Variants in OTOF observed in about 807,000 individuals in gnomAD.
OTOF encodes otoferlin, also known as fer-1-like family member 2.
OTOF carries 218 observed loss-of-function variants against 236.8 expected under a neutral mutation model. The observed-to-expected ratio is 0.92, with a 90% CI of 0.82 to 1.03. OTOF has a LOEUF of 1.03. Ranked by LOEUF, OTOF falls within the 50% of genes least tolerant of loss-of-function variation. OTOF has a pLI of 0.00. For synonymous variants in OTOF, 1,041 were observed against 1,072.5 expected (o/e 0.97, Z 0.57); for missense variants, 2,590 against 2,694.4 (o/e 0.96, Z 0.86).
At chr2:26,489,849 C>T in intron 9 of OTOF, 109 bp from the exon 10 acceptor site, 1 of 828,522 alleles carries the variant, frequency 1.2e-6, no homozygotes, top group South Asian at 1.4e-5. Context: ...CAGACATTTG[C>T]CCTGAGCCCC....
At position 26,466,688 on chromosome 2, in the gene OTOF, A is replaced by T. The variant is rs1462095697; in HGVS notation, c.4500+26T>A. The T allele has an allele frequency of 3.1e-6, 5 of 1,613,760 alleles. No individual in the cohort carries two copies. In the African/African-American group the frequency reaches 6.7e-5, roughly 22 times the overall value. On this transcript the variant is annotated intron_variant, in intron 36 of 46. Coordinates refer to ENST00000272371, the MANE Select transcript of OTOF (RefSeq NM_194248.3). ...AGATGGGAGGATGAGGAGACTTGCA[A>T]GGAGGGAAAGCGACGGGAGTCTCAC... is the stretch of plus-strand genomic sequence containing the variant.
At chr2:26,558,439 TG>T (rs1667650508) in intron 1 of OTOF, 53 bp downstream of exon 1, 19 of 1,499,760 alleles carry the variant, frequency 1.3e-5, no homozygotes, top group Non-Finnish European at 1.7e-5. Flanking sequence ...CTCCAGAGCA[TG>T]GGCTGGTCCA....
intron 10 of OTOF, among the ~76,000 whole-genome samples, 166 bp from the exon 11 acceptor site, chr2:26,489,461 T>A (rs1665783502): frequency 6.6e-6 from 1 of 152,198 alleles, no homozygotes; most frequent in African/African-American, 2.4e-5. Flanking sequence ...AGTTTCTTGC[T>A]GGCCACTGTT....
Position 26,473,146 on chromosome 2 carries a change from C to A in OTOF, c.3719G>T (p.Ser1240Ile), listed in dbSNP as rs771058439. The change falls in exon 29 of 47, where the codon AGC (serine) becomes ATC (isoleucine). Residue 1240 changes from serine to isoleucine, a missense_variant. Ser to Ile is a moderately radical substitution (Grantham distance 142, BLOSUM62 -2). Transcript: ENST00000272371. The surrounding 1 kb of genome is among the most constrained non-coding windows in gnomAD (Gnocchi z 7.2). Reference sequence around the variant, plus strand: ...TGTGGCCATACCCGTGGTGTTCCAGCTGGGGGCCGAGCGGTCTGGGGGCCG... The same window carrying A: ...TGTGGCCATACCCGTGGTGTTCCAGATGGGGGCCGAGCGGTCTGGGGGCCG... ...IYRPPDRSAP[S>I]WNTTVRLLRR... 1.6e-5 allele frequency: 25 copies of A among 1,612,412 alleles called. No individual in the cohort carries two copies. The highest frequency in any genetic ancestry group is 2.0e-5 in the Non-Finnish European group (24 of 1,179,824).
intron 2 of OTOF, among the ~76,000 whole-genome samples, chr2:26,534,579 G>A (rs1667023679): frequency 6.6e-6 from 1 of 152,188 alleles, no homozygotes. Context: ...CTGAGCAGAG[G>A]AGGGGCCCCT....
Position 26,461,656 on chromosome 2 carries a change from G to A in OTOF, c.5533+40C>T. The A allele has an allele frequency of 6.2e-7, 1 of 1,611,746 alleles. No individual in the cohort carries two copies. Among genetic ancestry groups the A allele is most frequent in the East Asian group, 2.2e-5 (1 of 44,874 alleles). Reference sequence around the variant, plus strand: ...CCAACCCGGCCCCTGCCTCTTCTCAGTTCTGGATCCTGAACCCCCATCCCT... The same window carrying A: ...CCAACCCGGCCCCTGCCTCTTCTCAATTCTGGATCCTGAACCCCCATCCCT... On this transcript the variant is annotated intron_variant, in intron 43 of 46. Transcript: ENST00000272371. This position sits in a 1 kb window ranked among gnomAD's most constrained non-coding sequence, Gnocchi z 6.2.
At chr2:26,524,926 A>G (rs936658016) in intron 3 of OTOF, among the ~76,000 whole-genome samples, 1 of 152,174 alleles carries the variant, frequency 6.6e-6, no homozygotes, top group African/African-American at 2.4e-5. Context: ...GGGTTCCTTC[A>G]GGGGCTCTCA....
intron 39 of OTOF, 135 bp from the exon 40 acceptor site, chr2:26,464,241 G>A: frequency 1.8e-6 from 2 of 1,121,348 alleles, no homozygotes; most frequent in South Asian, 1.4e-5. Flanking sequence ...CACTGTTGGG[G>A]AAACTGAGGC....
intron 30 of OTOF, 80 bp from the exon 31 acceptor site, chr2:26,471,230 G>A (rs966475619): frequency 6.6e-7 from 1 of 1,522,046 alleles, no homozygotes; most frequent in Admixed American, 1.7e-5. Context: ...CACAGGGTGT[G>A]TGGAGGAGCC....
Position 26,460,499 on chromosome 2 carries a change from A to G in OTOF, c.5813+148T>C. Reference sequence around the variant, plus strand: ...CTCTGGTTCAAAGGGACGTTGTGGGATTCAGGGTTGGCAGAGGGCAGGGAG... The same window carrying G: ...CTCTGGTTCAAAGGGACGTTGTGGGGTTCAGGGTTGGCAGAGGGCAGGGAG... On this transcript the variant is annotated intron_variant, in intron 45 of 46. Transcript: ENST00000272371. This position sits in a 1 kb window ranked among gnomAD's most constrained non-coding sequence, Gnocchi z 5.3. 1.4e-6 allele frequency: 1 copy of G among 716,490 alleles called. No homozygotes were observed. The highest frequency in any genetic ancestry group is 2.5e-6 in the Non-Finnish European group (1 of 405,970). 44.4% of individuals were successfully genotyped at this position (716,490 alleles called of 1,614,324 possible). A position where few individuals can be genotyped will look rare whatever the true frequency, so the allele number is the denominator to read the frequency against.
chr2:26,525,824 C>T (rs376103986), intron 3 of OTOF, among the ~76,000 whole-genome samples: 5 of 151,932 alleles, frequency 3.3e-5, no homozygotes, highest in African/African-American at 1.2e-4. Flanking sequence ...TGGTGGCTCA[C>T]GCCTGTAATC....
intron 1 of OTOF, among the ~76,000 whole-genome samples, chr2:26,539,640 C>T (rs1276000839): frequency 2.0e-5 from 3 of 152,174 alleles, no homozygotes; most frequent in African/African-American, 7.2e-5. Context: ...GAGGCCGAGG[C>T]AGGAGAATCG....
chr2:26,540,756 G>A (rs1456634130), intron 1 of OTOF, among the ~76,000 whole-genome samples: 1 of 152,038 alleles, frequency 6.6e-6, no homozygotes, highest in Non-Finnish European at 1.5e-5. Context: ...GGCAGGTGGG[G>A]AAGGGCTGGC....
chr2:26,501,917 T>C, intron 7 of OTOF, 109 bp from the exon 8 acceptor site: 1 of 819,566 alleles, frequency 1.2e-6, no homozygotes, highest in Non-Finnish European at 2.2e-6. Context: ...AGAATCATGG[T>C]CTTTAAACAC....
chr2:26,483,188 C>T (rs992392863), intron 13 of OTOF, among the ~76,000 whole-genome samples: 4 of 149,388 alleles, frequency 2.7e-5, no homozygotes, highest in Non-Finnish European at 6.0e-5. Flanking sequence ...GGTATGCGTG[C>T]GTGTATGAGT....
chr2:26,525,461 C>CAGCAG (rs1224350705), intron 3 of OTOF, among the ~76,000 whole-genome samples: 2 of 152,224 alleles, frequency 1.3e-5, no homozygotes, highest in African/African-American at 4.8e-5. Flanking sequence ...TGCTGTCTTC[C>CAGCAG]AGCAGCCTGT....
intron 8 of OTOF, among the ~76,000 whole-genome samples, chr2:26,496,635 C>T (rs1665993907): frequency 6.6e-6 from 1 of 152,064 alleles, no homozygotes; most frequent in Admixed American, 6.6e-5. Context: ...ATCACTACTA[C>T]TTTTCCCGAA....
chr2:26,551,201 G>C (rs1041554166), intron 1 of OTOF, among the ~76,000 whole-genome samples: 21 of 152,308 alleles, frequency 1.4e-4, no homozygotes, highest in African/African-American at 5.0e-4. Flanking sequence ...TGTTGGCCAG[G>C]CTGGTCTCAA....
intron 11 of OTOF, among the ~76,000 whole-genome samples, chr2:26,488,941 G>A (rs781259989): frequency 7.2e-5 from 11 of 152,258 alleles, no homozygotes; most frequent in Non-Finnish European, 1.3e-4. Flanking sequence ...TCCAGAGCGT[G>A]TGATGAAGCT....
Sources: gnomAD v4.1 joint callset for allele counts (sites outside exome capture counted in the v4.1 genomes callset) on GRCh38, gnomAD v4.1.1 for gene constraint, Gnocchi (gnomAD v3.1) non-coding constraint, MANE v1.5 for transcripts, NCBI Gene and HGNC (gene_info 2026-07-23, HGNC 2026-07-21) for gene names.